The following CHUK variants were observed in gnomAD, a reference collection of about 807,000 sequenced individuals.
The protein encoded by CHUK is inhibitor of nuclear factor kappa-B kinase subunit alpha.
CHUK carries 35 observed loss-of-function variants against 104.8 expected under a neutral mutation model. The ratio of observed to expected loss-of-function variants is 0.33; its 90% CI spans 0.26 to 0.44. The LOEUF (loss-of-function observed/expected upper bound fraction) is 0.44. Ranked by LOEUF, CHUK falls within the 20% of genes least tolerant of loss-of-function variation. CHUK has a pLI of 1.00. For missense variants in CHUK, 663 were observed against 902.7 expected (o/e 0.73, Z 3.40); for synonymous variants, 276 against 291.9 (o/e 0.95, Z 0.56).
In CHUK at chr10:100,205,199, A is replaced by C. The variant is rs1209398552; in HGVS notation, c.1232T>G (p.Val411Gly). 1 of 1,613,882 alleles carries C rather than the reference A, an allele frequency of 6.2e-7. No homozygotes were observed. Among genetic ancestry groups the C allele is most frequent in the Non-Finnish European group, 8.5e-7 (1 of 1,179,862 alleles). ...TGGAAGCTGTATTTTGCTGTCCTGTACTATATACAAGAAGATGAGAAAAAG... is the reference window on the plus strand; with the variant it reads ...TGGAAGCTGTATTTTGCTGTCCTGTCCTATATACAAGAAGATGAGAAAAAG... ...RSLSDCVNYI[V>G]QDSKIQLPII... is the part of the protein sequence containing the mutation. Residue 411 changes from valine to glycine, a missense_variant and splice_region_variant, in exon 12 of 21, where the codon GTA becomes GGA. Around this residue, in one of 5 missense-constraint regions of CHUK, gnomAD observed 15 missense variants for 41.3 expected, o/e 0.36. Coordinates refer to ENST00000370397, the MANE Select transcript of CHUK (RefSeq NM_001278.5).
rs376482999 is a variant in CHUK at position 100,193,351 on chromosome 10, C to T, written c.2055G>A (p.Pro685=). The change falls in exon 19 of 21, where the codon CCG becomes CCA. Residue 685 remains proline (P), a synonymous_variant. Transcript: ENST00000370397. ...GAGAATGATCATGTTCTGCTGAAGT[C>T]GGGGGCAGCCATGCTGATGTCTGAG... ...VTPQTSAWLP[P]TSAEHDHSLS... 71 of 1,613,974 alleles carry T rather than the reference C, an allele frequency of 4.4e-5. No individual in the cohort carries two copies. The highest frequency in any genetic ancestry group is 1.4e-4 in the South Asian group (13 of 91,090).
downstream of CHUK, chr10:100,187,537 G>GA (rs2134199604): frequency 6.6e-6 from 1 of 152,254 alleles, no homozygotes; most frequent in East Asian, 1.9e-4. Context: ...GTTTTCTGTA[G>GA]ACATTCTCTG....
chr10:100,215,422 A>C (rs189543654), intron 9 of CHUK, among the ~76,000 whole-genome samples: 1 of 152,272 alleles, frequency 6.6e-6, no homozygotes, highest in East Asian at 1.9e-4. Flanking sequence ...AAAGCTATAC[A>C]GTTGAAGAGG....
At position 100,192,680 on chromosome 10, in the gene CHUK, C is replaced by T. The variant is rs1025837715; in HGVS notation, c.2108+618G>A. ...AGCAAAGAGCCACTGGCTTTGGATACGGCACATCTTAAGCTGAGAAAATAA... is the reference window on the plus strand; with the variant it reads ...AGCAAAGAGCCACTGGCTTTGGATATGGCACATCTTAAGCTGAGAAAATAA... On this transcript the variant is annotated intron_variant, in intron 19 of 20. Coordinates refer to ENST00000370397, the MANE Select transcript of CHUK (RefSeq NM_001278.5). The T allele has an allele frequency of 1.0e-5, 10 of 986,132 alleles. No individual in the cohort carries two copies. In the African/African-American group the frequency reaches 1.2e-4, roughly 12 times the overall value. The allele number at this position is 986,132 out of a possible 1,614,324, so 61.1% of individuals were successfully genotyped here.
At position 100,189,322 on chromosome 10, in the gene CHUK, G is replaced by A. The variant is rs566881751; in HGVS notation, c.*276C>T. ...TACCAAGACTGAAGGCAAATGTGTC[G>A]TGATGATGCTTCTAAATAGCTGTGG... On this transcript the variant is annotated 3_prime_UTR_variant, in exon 21 of 21. Coordinates refer to ENST00000370397, the MANE Select transcript of CHUK (RefSeq NM_001278.5). 1.9e-5 allele frequency: 8 copies of A among 416,740 alleles called. No homozygotes were observed. The highest frequency in any genetic ancestry group is 7.8e-5 in the East Asian group (2 of 25,728). The allele number at this position is 416,740 out of a possible 1,614,324, so 25.8% of individuals were successfully genotyped here.
At position 100,202,156 on chromosome 10, in the gene CHUK, G is replaced by T. The variant is rs1845477757; in HGVS notation, c.1508-7C>A. ...TTTAGCATTTTTTCTGAAGCTAAAA[G>T]AAAAGTCTAAATTGGTTATCTCAGA... On this transcript the variant is annotated splice_polypyrimidine_tract_variant and splice_region_variant and intron_variant, in intron 13 of 20. Coordinates refer to ENST00000370397, the MANE Select transcript of CHUK (RefSeq NM_001278.5). The T allele has an allele frequency of 6.2e-7, 1 of 1,601,866 alleles. No homozygotes were observed. Among genetic ancestry groups the T allele is most frequent in the South Asian group, 1.1e-5 (1 of 90,842 alleles).
chr10:100,205,801 A>G (rs7079957), intron 11 of CHUK, among the ~76,000 whole-genome samples: 31,931 of 152,050 alleles, frequency 0.21, 6,206 homozygotes, highest in African/African-American at 0.52. Context: ...GGTGGTGTGC[A>G]CCTATAATCC....
At chr10:100,187,527 G>A (rs956183235), downstream of CHUK, 4 of 152,130 alleles carry the variant, frequency 2.6e-5, no homozygotes, top group African/African-American at 9.7e-5. Context: ...TCCATACCCT[G>A]TTTTCTGTAG....
At chr10:100,189,860 AG>A (rs1334708014) in intron 20 of CHUK, among the ~76,000 whole-genome samples, 3 of 146,274 alleles carry the variant, frequency 2.1e-5, no homozygotes, top group Non-Finnish European at 4.5e-5. Context: ...TTAAGAGAGC[AG>A]GATCTTGCTA....
intron 19 of CHUK, 140 bp downstream of exon 19, chr10:100,193,158 G>T: frequency 1.1e-6 from 1 of 917,092 alleles, no homozygotes; most frequent in Non-Finnish European, 1.8e-6. Flanking sequence ...AGTCAAGTAA[G>T]TTGCCTAAGA....
rs1846192795 is a variant in CHUK at position 100,229,589 on chromosome 10, C to G, written c.-57G>C. On this transcript the variant is annotated 5_prime_UTR_variant, in exon 1 of 21. Coordinates refer to ENST00000370397, the MANE Select transcript of CHUK (RefSeq NM_001278.5). ...CAGTTGTTCCAAGGCCGGTTCCGGGCCGCCGATGCTCGCGCGTCTTTGTTC... is the reference window on the plus strand; with the variant it reads ...CAGTTGTTCCAAGGCCGGTTCCGGGGCGCCGATGCTCGCGCGTCTTTGTTC... 1 of 1,042,112 alleles carries G rather than the reference C, an allele frequency of 9.6e-7. No homozygotes were observed. The highest frequency in any genetic ancestry group is 1.4e-6 in the Non-Finnish European group (1 of 719,694). The allele number at this position is 1,042,112 out of a possible 1,614,324, so 64.6% of individuals were successfully genotyped here. A position where few individuals can be genotyped will look rare whatever the true frequency, so the allele number is the denominator to read the frequency against.
chr10:100,193,670 G>T (rs988499958), intron 18 of CHUK: 1 of 535,072 alleles, frequency 1.9e-6, no homozygotes, highest in Non-Finnish European at 3.3e-6. Context: ...GTTGAAGAAA[G>T]AAAAAAAAAA....
chr10:100,202,220 G>T, intron 13 of CHUK, 71 bp from the exon 14 acceptor site: 1 of 986,062 alleles, frequency 1.0e-6, no homozygotes, highest in Non-Finnish European at 1.6e-6. Context: ...CTGCCTCCTT[G>T]CCATATCAAC....
intron 16 of CHUK, among the ~76,000 whole-genome samples, chr10:100,196,681 A>G (rs552861877): frequency 2.0e-5 from 3 of 152,304 alleles, no homozygotes; most frequent in East Asian, 1.9e-4. Context: ...TATCACAGGT[A>G]TGAGCCACCT....
At chr10:100,206,937 G>A (rs1039754586) in intron 11 of CHUK, among the ~76,000 whole-genome samples, 2 of 152,196 alleles carry the variant, frequency 1.3e-5, no homozygotes, top group Non-Finnish European at 2.9e-5. Context: ...AGACTATGAA[G>A]AGACAATTAA....
At chr10:100,194,245 T>C (rs900313256) in intron 17 of CHUK, 114 bp from the exon 18 acceptor site, 3 of 1,270,130 alleles carry the variant, frequency 2.4e-6, no homozygotes, top group East Asian at 2.4e-5. Context: ...TAATGACTTA[T>C]CTCCAAAGTA....
intron 9 of CHUK, among the ~76,000 whole-genome samples, chr10:100,215,873 C>T (rs1341115110): frequency 6.6e-6 from 1 of 152,194 alleles, no homozygotes; most frequent in East Asian, 1.9e-4. Flanking sequence ...CCCGCCCTCA[C>T]CCTTTCCCTA....
chr10:100,212,085 G>A (rs1328666610), intron 9 of CHUK, among the ~76,000 whole-genome samples: 1 of 152,072 alleles, frequency 6.6e-6, no homozygotes, highest in Non-Finnish European at 1.5e-5. Context: ...GTTTCTGCAT[G>A]TTGCCCAGTC....
chr10:100,221,218 C>G (rs1190717459), intron 4 of CHUK, among the ~76,000 whole-genome samples: 1 of 152,066 alleles, frequency 6.6e-6, no homozygotes, highest in Non-Finnish European at 1.5e-5. Flanking sequence ...GGGCAGATCA[C>G]GAGGTCAGGA....
Sources: gnomAD v4.1 joint callset for allele counts (sites outside exome capture counted in the v4.1 genomes callset) on GRCh38, gnomAD v4.1.1 for gene constraint, gnomAD v4.1.1 regional missense constraint, MANE v1.5 for transcripts, NCBI Gene and HGNC (gene_info 2026-07-23, HGNC 2026-07-21) for gene names.